The following ERC1 variants were observed in gnomAD, a reference collection of about 807,000 sequenced individuals.
ERC1 encodes ELKS/RAB6-interacting/CAST family member 1.
In ERC1, 56 loss-of-function variants were observed where a neutral mutation model predicts 132.0. That is an observed-to-expected ratio of 0.42 (90% CI 0.34 to 0.53). The LOEUF (loss-of-function observed/expected upper bound fraction) is 0.53, where lower values mean the gene tolerates loss of function less well. Ranked by LOEUF, ERC1 falls within the 20% of genes least tolerant of loss-of-function variation. The pLI is 0.03. For synonymous variants in ERC1, 478 were observed against 476.1 expected, an observed-to-expected ratio of 1.00 and a Z score of -0.05; for missense variants, 1,202 against 1,349.9, an observed-to-expected ratio of 0.89 and a Z score of 1.72.
At chr12:1,259,439 A>G (rs1452163674) in intron 13 of ERC1, among the ~76,000 whole-genome samples, 2 of 150,362 alleles carry the variant, frequency 1.3e-5, no homozygotes, top group African/African-American at 4.9e-5. Flanking sequence ...GTAGTATATT[A>G]TGATTTACAT....
Position 1,027,978 on chromosome 12 carries a change from A to C in ERC1, c.75A>C (p.Pro25=). Residue 25 remains proline, a synonymous_variant, in exon 2 of 19, where the codon CCA becomes CCC. Transcript: ENST00000360905. ...SQSPGRSPRL[P]RSPRLGHRRT... is the part of the protein sequence containing the mutation. ...GCCCTGGGCGTTCACCCAGGCTTCC[A>C]CGTTCCCCTCGCTTGGGTCACCGTC... 1 of 1,614,116 alleles carries C rather than the reference A, an allele frequency of 6.2e-7. No homozygotes were observed. The highest frequency in any genetic ancestry group is 8.5e-7 in the Non-Finnish European group (1 of 1,180,020).
chr12:1,170,565 T>G (rs569264616), intron 8 of ERC1, among the ~76,000 whole-genome samples: 3 of 152,350 alleles, frequency 2.0e-5, no homozygotes, highest in East Asian at 3.9e-4. Context: ...GTGCCCTCTT[T>G]GTCTTTTGAG....
intron 7 of ERC1, among the ~76,000 whole-genome samples, chr12:1,116,916 A>G (rs1432652601): frequency 1.3e-5 from 2 of 152,140 alleles, no homozygotes; most frequent in Admixed American, 6.5e-5. Context: ...GATCTAGACT[A>G]TTGGCTATGA....
At chr12:1,259,520 C>CTTTTTT (rs201786277) in intron 13 of ERC1, among the ~76,000 whole-genome samples, 15 of 113,876 alleles carry the variant, frequency 1.3e-4, no homozygotes, top group East Asian at 4.9e-4. Context: ...TTCTTTCTTT[C>CTTTTTT]TTTTTTTTTT....
At chr12:1,366,281 T>G (rs1202258085) in intron 15 of ERC1, among the ~76,000 whole-genome samples, 2 of 152,188 alleles carry the variant, frequency 1.3e-5, no homozygotes, top group African/African-American at 4.8e-5. Flanking sequence ...GAAACATTAA[T>G]CAATTTTGAA....
intron 16 of ERC1, among the ~76,000 whole-genome samples, chr12:1,396,556 T>C (rs1462741375): frequency 6.6e-6 from 1 of 152,208 alleles, no homozygotes; most frequent in African/African-American, 2.4e-5. Flanking sequence ...AGAATCTGTT[T>C]CAGATAGCGC....
intron 2 of ERC1, among the ~76,000 whole-genome samples, chr12:1,057,127 G>T (rs1386348783): frequency 6.6e-6 from 1 of 151,988 alleles, no homozygotes; most frequent in African/African-American, 2.4e-5. Flanking sequence ...TTTATTTTTA[G>T]TGTTTTTTTG....
Position 1,437,636 on chromosome 12 carries a change from G to T in ERC1, c.3025-6926G>T, listed in dbSNP as rs189273278. ...ATGAAGATTGAATAGGCAGAATGCA[G>T]TTAGCAGCTCTGTAGTTGAGATTTC... On this transcript the variant is annotated intron_variant, in intron 17 of 18. Transcript: ENST00000360905. Among the ~76,000 whole-genome samples, 2 of 152,346 alleles carry T rather than the reference G, an allele frequency of 1.3e-5. 1 individual carries two copies. Among genetic ancestry groups the T allele is most frequent in the Admixed American group, 1.3e-4 (2 of 15,304 alleles).
chr12:1,022,117 A>G (rs1434061699), intron 1 of ERC1, among the ~76,000 whole-genome samples: 2 of 152,126 alleles, frequency 1.3e-5, no homozygotes, highest in Admixed American at 6.5e-5. Flanking sequence ...GGATCTTGCT[A>G]TGTTGTCCAG....
chr12:1,433,088 G>A (rs2092844812), intron 17 of ERC1, among the ~76,000 whole-genome samples: 1 of 152,198 alleles, frequency 6.6e-6, no homozygotes, highest in Non-Finnish European at 1.5e-5. Flanking sequence ...GTAAGGTGCT[G>A]TGATGCCACA....
At chr12:1,024,994 G>A (rs1966842349) in intron 1 of ERC1, among the ~76,000 whole-genome samples, 3 of 152,108 alleles carry the variant, frequency 2.0e-5, no homozygotes, top group Non-Finnish European at 2.9e-5. Flanking sequence ...AAAGTATGCT[G>A]GAGGATATCC....
intron 2 of ERC1, among the ~76,000 whole-genome samples, chr12:1,051,529 C>CAA (rs35353366): frequency 1.1e-3 from 138 of 127,632 alleles, no homozygotes; most frequent in African/African-American, 3.8e-3. Flanking sequence ...GTCTCTACCC[C>CAA]AAAAAAAAAA....
chr12:1,263,818 T>G (rs1396047765), intron 14 of ERC1, among the ~76,000 whole-genome samples: 2 of 152,058 alleles, frequency 1.3e-5, no homozygotes, highest in African/African-American at 4.8e-5. Flanking sequence ...ACCTCCCGAG[T>G]AGCTGGGATT....
intron 18 of ERC1, among the ~76,000 whole-genome samples, chr12:1,485,641 A>G (rs181738887): frequency 1.1e-4 from 16 of 152,288 alleles, no homozygotes; most frequent in African/African-American, 3.6e-4. Context: ...ACCACTTCAT[A>G]ATACAGTAAT....
chr12:1,446,885 T>A (rs2093317341), intron 18 of ERC1, among the ~76,000 whole-genome samples: 1 of 152,188 alleles, frequency 6.6e-6, no homozygotes. Flanking sequence ...CGAGGTGCTG[T>A]GGCTCACACC....
rs7975121 is a variant in ERC1 at position 1,442,014 on chromosome 12, G to A, written c.3025-2548G>A. Among the ~76,000 whole-genome samples the A allele has an allele frequency of 5.5e-3, 830 of 152,166 alleles. 16 individuals are homozygous for A. The highest frequency in any genetic ancestry group is 0.019 in the African/African-American group (788 of 41,526). ...GTGATCTCTGCTCACTGCAGCCTCCGCTTCCCGGGTTCAAGCGATTCTCCG... is the reference window on the plus strand; with the variant it reads ...GTGATCTCTGCTCACTGCAGCCTCCACTTCCCGGGTTCAAGCGATTCTCCG... On this transcript the variant is annotated intron_variant, in intron 17 of 18. Coordinates refer to ENST00000360905, the MANE Select transcript of ERC1 (RefSeq NM_178040.4).
intron 7 of ERC1, among the ~76,000 whole-genome samples, chr12:1,137,226 G>A (rs1235213114): frequency 6.6e-6 from 1 of 150,706 alleles, no homozygotes; most frequent in African/African-American, 2.4e-5. Flanking sequence ...AGCCTCCCGA[G>A]TAGCTGGGAT....
At chr12:1,142,446 A>G (rs576670976) in intron 8 of ERC1, among the ~76,000 whole-genome samples, 3 of 152,356 alleles carry the variant, frequency 2.0e-5, no homozygotes, top group Non-Finnish European at 4.4e-5. Flanking sequence ...AAAATGTTGT[A>G]CATGTTTAGT....
At chr12:1,294,273 A>C (rs1396814378) in intron 15 of ERC1, among the ~76,000 whole-genome samples, 1 of 152,184 alleles carries the variant, frequency 6.6e-6, no homozygotes, top group South Asian at 2.1e-4. Context: ...TTAAATTTTA[A>C]ACTTATTCCA....
Sources: gnomAD v4.1 joint callset for allele counts (sites outside exome capture counted in the v4.1 genomes callset) on GRCh38, gnomAD v4.1.1 for gene constraint, MANE v1.5 for transcripts, NCBI Gene and HGNC (gene_info 2026-07-23, HGNC 2026-07-21) for gene names.